The following PLEKHG3 variants were observed in gnomAD, a reference collection of about 807,000 sequenced individuals.
PLEKHG3 encodes the protein pleckstrin homology and RhoGEF domain containing G3.
A neutral mutation model predicts 94.9 loss-of-function variants in PLEKHG3; 62 were observed. That is an observed-to-expected ratio of 0.65 (90% CI 0.53 to 0.81). PLEKHG3 has a LOEUF of 0.81. Ranked by LOEUF, PLEKHG3 falls within the 30% of genes least tolerant of loss-of-function variation. The pLI is 0.00. For synonymous variants in PLEKHG3, 614 were observed against 654.0 expected, an observed-to-expected ratio of 0.94 and a Z score of 0.93; for missense variants, 1,461 against 1,619.3, an observed-to-expected ratio of 0.90 and a Z score of 1.68.
rs1226897147 is a variant in PLEKHG3, at chr14:64,728,722, A to G, written c.352-274A>G. On this transcript the variant is annotated intron_variant, in intron 2 of 16. Transcript: ENST00000247226. The surrounding 1 kb of genome is among the most constrained non-coding windows in gnomAD (Gnocchi z 5.9). ...CTCTCTGTGTCCTCCTTCTCCTCTTATAAGGACAGCAGCCACTGGATTTGG... is the reference window on the plus strand; with the variant it reads ...CTCTCTGTGTCCTCCTTCTCCTCTTGTAAGGACAGCAGCCACTGGATTTGG... Among the ~76,000 whole-genome samples, 1 of 152,038 alleles carries G rather than the reference A, an allele frequency of 6.6e-6. No homozygotes were observed. Among genetic ancestry groups the G allele is most frequent in the Non-Finnish European group, 1.5e-5 (1 of 68,002 alleles).
At position 64,741,552 on chromosome 14, in the gene PLEKHG3, G is replaced by A; in HGVS notation, c.2035G>A (p.Asp679Asn). ...CATCAGTGTGGGGGTGGCCACAGAG[G>A]ACAGCCCTTCTGTCAATGGGATGGA... is the stretch of plus-strand genomic sequence containing the variant. ...VDISVGVATE[D>N]SPSVNGMEPP... The change falls in exon 16 of 17, where the codon GAC (aspartate) becomes AAC (asparagine). Residue 679 changes from aspartate to asparagine, a missense_variant. By Grantham distance (23) the Asp-to-Asn change is conservative. Transcript: ENST00000247226. 1 of 1,612,980 alleles carries A rather than the reference G, an allele frequency of 6.2e-7. No individual in the cohort carries two copies. The highest frequency in any genetic ancestry group is 8.5e-7 in the Non-Finnish European group (1 of 1,180,030).
intron 1 of PLEKHG3, among the ~76,000 whole-genome samples, chr14:64,707,712 C>T (rs549466651): frequency 1.3e-5 from 2 of 152,336 alleles, no homozygotes; most frequent in South Asian, 2.1e-4. Flanking sequence ...TTTTCTTCAT[C>T]GCTGCCTTTT....
intron 1 of PLEKHG3, among the ~76,000 whole-genome samples, chr14:64,709,313 C>T (rs539183995): frequency 1.3e-5 from 2 of 152,220 alleles, no homozygotes; most frequent in South Asian, 4.1e-4. Context: ...GTGTTAGGGT[C>T]GAGTCCAGCC....
Position 64,743,111 on chromosome 14 carries a change from G to T in PLEKHG3, c.3068G>T (p.Ser1023Ile). Reference sequence around the variant, plus strand: ...TTCTTCTTCAACCCGTCTGCTGTCAGCCAGAGGACCACCTCGCCTGGGGGC... The same window carrying T: ...TTCTTCTTCAACCCGTCTGCTGTCATCCAGAGGACCACCTCGCCTGGGGGC... ...QRFFFNPSAVSQRTTSPGGRP... is the reference protein window; with the variant it reads ...QRFFFNPSAVIQRTTSPGGRP... The change falls in exon 17 of 17, where the codon AGC (serine) becomes ATC (isoleucine). Residue 1023 changes from serine to isoleucine, a missense_variant. This residue lies in a region of PLEKHG3 where 1,201 missense variants were observed against 1,295.5 expected (regional missense o/e 0.93). Coordinates refer to ENST00000247226, the MANE Select transcript of PLEKHG3 (RefSeq NM_001308147.2). The surrounding 1 kb of genome is among the most constrained non-coding windows in gnomAD (Gnocchi z 7.2). 6.2e-7 allele frequency: 1 copy of T among 1,612,694 alleles called. No homozygotes were observed.
chr14:64,733,337 G>A (rs536484786), intron 12 of PLEKHG3, among the ~76,000 whole-genome samples: 2 of 151,248 alleles, frequency 1.3e-5, no homozygotes, highest in East Asian at 3.9e-4. Flanking sequence ...ACTAATTTTT[G>A]TATTTTTTAG....
In PLEKHG3 at chr14:64,730,746, C is replaced by T; in HGVS notation, c.567-53C>T. On this transcript the variant is annotated intron_variant, in intron 5 of 16. Coordinates refer to ENST00000247226, the MANE Select transcript of PLEKHG3 (RefSeq NM_001308147.2). The surrounding 1 kb of genome is among the most constrained non-coding windows in gnomAD (Gnocchi z 5.4). ...CATTTGGTGAGTCCAGAGCCCCCCA[C>T]TTCCTCATCCAGGCCTTCCCCAGGT... 6.2e-7 allele frequency: 1 copy of T among 1,612,604 alleles called. No homozygotes were observed. The highest frequency in any genetic ancestry group is 1.7e-5 in the Admixed American group (1 of 59,990).
At chr14:64,713,014 G>A (rs1039613610) in intron 1 of PLEKHG3, among the ~76,000 whole-genome samples, 1 of 152,214 alleles carries the variant, frequency 6.6e-6, no homozygotes, top group African/African-American at 2.4e-5. Context: ...TATCATAGAA[G>A]AGTGTTGGAT....
Position 64,716,959 on chromosome 14 carries a change from C to T in PLEKHG3, c.-39-10634C>T, listed in dbSNP as rs1038467578. The stretch of plus-strand genomic sequence containing the variant: ...GAACTGGTTGGATGAGTTTCTTAGG[C>T]GTCTCTGGTGAGGCCCCTTAGTAGG... On this transcript the variant is annotated intron_variant, in intron 1 of 16. Transcript: ENST00000247226. This position sits in a 1 kb window ranked among gnomAD's most constrained non-coding sequence, Gnocchi z 5.0. 1.3e-5 allele frequency among the ~76,000 whole-genome samples: 2 copies of T among 152,138 alleles called. No homozygotes were observed. The highest frequency in any genetic ancestry group is 2.4e-5 in the African/African-American group (1 of 41,424).
Position 64,723,333 on chromosome 14 carries a change from G to A in PLEKHG3, c.-39-4260G>A, listed in dbSNP as rs1176239631. 2.6e-5 allele frequency among the ~76,000 whole-genome samples: 4 copies of A among 152,104 alleles called. No individual in the cohort carries two copies. The highest frequency in any genetic ancestry group is 4.1e-4 in the South Asian group (2 of 4,834). On this transcript the variant is annotated intron_variant, in intron 1 of 16. Coordinates refer to ENST00000247226, the MANE Select transcript of PLEKHG3 (RefSeq NM_001308147.2). This position sits in a 1 kb window ranked among gnomAD's most constrained non-coding sequence, Gnocchi z 4.5. ...ACACCTGTTAATCCCAGCACTTTAG[G>A]AGGCTGAGGCAGGAGGATCGCTTGA...
chr14:64,738,637 C>A lies in PLEKHG3; in HGVS notation c.1405-105C>A. On this transcript the variant is annotated intron_variant, in intron 14 of 16. Coordinates refer to ENST00000247226, the MANE Select transcript of PLEKHG3 (RefSeq NM_001308147.2). The surrounding 1 kb of genome is among the most constrained non-coding windows in gnomAD (Gnocchi z 4.8). ...GCTCAGGTCCAAGACTGGCTCTCAG[C>A]TCAGCCCAGCCCCTTGGGGCGTGGG... The A allele has an allele frequency of 2.4e-6, 2 of 827,618 alleles. No individual in the cohort carries two copies. Among genetic ancestry groups the A allele is most frequent in the South Asian group, 3.1e-5 (2 of 64,570 alleles). 51.3% of individuals were successfully genotyped at this position (827,618 alleles called of 1,614,324 possible). A position where few individuals can be genotyped will look rare whatever the true frequency, so the allele number is the denominator to read the frequency against.
chr14:64,729,464 C>A lies in PLEKHG3; in HGVS notation c.449+371C>A, dbSNP rs538925887. Among the ~76,000 whole-genome samples, 7 of 152,270 alleles carry A rather than the reference C, an allele frequency of 4.6e-5. No homozygotes were observed. The South Asian group carries it at 1.0e-3, about 23-fold the overall frequency. On this transcript the variant is annotated intron_variant, in intron 3 of 16. Coordinates refer to ENST00000247226, the MANE Select transcript of PLEKHG3 (RefSeq NM_001308147.2). ...ATTTCTTATCCTCCTTTCCACTGAC[C>A]CCAAGGGCTCCCTGGAGATGATCTG... is the stretch of plus-strand genomic sequence containing the variant.
chr14:64,709,793 A>G (rs2081039248), intron 1 of PLEKHG3, among the ~76,000 whole-genome samples: 1 of 151,728 alleles, frequency 6.6e-6, no homozygotes, highest in East Asian at 1.9e-4. Context: ...CAGTATTCTC[A>G]TATAGCTTCT....
At position 64,731,842 on chromosome 14, in the gene PLEKHG3, A is replaced by C. The variant is rs754628448; in HGVS notation, c.1125+36A>C. ...GGTGGGGCTCAGGGGCTAGGGAACA[A>C]GATGCCCAGGGGACACCTGCGTGGG... On this transcript the variant is annotated intron_variant, in intron 9 of 16. Coordinates refer to ENST00000247226, the MANE Select transcript of PLEKHG3 (RefSeq NM_001308147.2). This position sits in a 1 kb window ranked among gnomAD's most constrained non-coding sequence, Gnocchi z 6.1. 2.0e-6 allele frequency: 3 copies of C among 1,469,058 alleles called. No individual in the cohort carries two copies. The South Asian group carries it at 3.4e-5, about 17-fold the overall frequency. The allele number at this position is 1,469,058 out of a possible 1,614,324, so 91.0% of individuals were successfully genotyped here. A position where few individuals can be genotyped will look rare whatever the true frequency, so the allele number is the denominator to read the frequency against.
At chr14:64,737,785 C>T in intron 14 of PLEKHG3, 1 of 748,340 alleles carries the variant, frequency 1.3e-6, no homozygotes, top group Non-Finnish European at 1.8e-6. Flanking sequence ...GTGAAGGCTC[C>T]CCCCCCGCAG....
rs1320970671 is a variant in PLEKHG3 at position 64,737,370 on chromosome 14, A to G, written c.1399A>G (p.Met467Val). The stretch of plus-strand genomic sequence containing the variant: ...GATGTCTGCAGCCCGAGCAGCAGGA[A>G]TGAAGGTAAAGGCCAGTGGGAGGAG... The part of the protein sequence containing the change: ...QLNEKARAAG[M>V]KGKGRRESES... The change falls in exon 14 of 17, where the codon ATG becomes GTG. Residue 467 changes from methionine to valine, a missense_variant. Met to Val is a conservative substitution (Grantham distance 21, BLOSUM62 1). Transcript: ENST00000247226. 3 of 1,599,190 alleles carry G rather than the reference A, an allele frequency of 1.9e-6. No homozygotes were observed. The highest frequency in any genetic ancestry group is 1.7e-6 in the Non-Finnish European group (2 of 1,173,254).
rs536904698 is a variant in PLEKHG3, at chr14:64,740,981, C to T, written c.1519-55C>T. On this transcript the variant is annotated intron_variant, in intron 15 of 16. Transcript: ENST00000247226. Reference sequence around the variant, plus strand: ...CAGGCCATGCTGTCCCCTTGTTCCCCGGATCCCATGAAGGAGGCTTTTTAC... The same window carrying T: ...CAGGCCATGCTGTCCCCTTGTTCCCTGGATCCCATGAAGGAGGCTTTTTAC... 58 of 1,424,526 alleles carry T rather than the reference C, an allele frequency of 4.1e-5. No homozygotes were observed. The African/African-American group carries it at 6.6e-4, about 16-fold the overall frequency. The allele number at this position is 1,424,526 out of a possible 1,614,324, so 88.2% of individuals were successfully genotyped here.
chr14:64,738,978 ACCTCC>A lies in PLEKHG3; in HGVS notation c.1518+125_1518+129del, dbSNP rs1180513405. On this transcript the variant is annotated intron_variant, in intron 15 of 16. Transcript: ENST00000247226. The surrounding 1 kb of genome is among the most constrained non-coding windows in gnomAD (Gnocchi z 4.8). ...GGGCCCATGGGAACAGAGATTCCCC[ACCTCC>A]CAGGACTCTCAGCCCTGCATGAAGC... The A allele has an allele frequency of 1.2e-5, 8 of 668,434 alleles. No homozygotes were observed. In the East Asian group the frequency reaches 1.4e-4, roughly 11 times the overall value. 41.4% of individuals were successfully genotyped at this position (668,434 alleles called of 1,614,324 possible).
chr14:64,708,813 C>T (rs1240667487), intron 1 of PLEKHG3, among the ~76,000 whole-genome samples: 2 of 151,328 alleles, frequency 1.3e-5, no homozygotes, highest in South Asian at 2.1e-4. Context: ...AGTTCCACCC[C>T]CCCGCCCCAC....
Position 64,715,112 on chromosome 14 carries a change from T to C in PLEKHG3, c.-40+10408T>C, listed in dbSNP as rs763348544. On this transcript the variant is annotated intron_variant, in intron 1 of 16. Transcript: ENST00000247226. This position sits in a 1 kb window ranked among gnomAD's most constrained non-coding sequence, Gnocchi z 4.4. ...GTCTACTGCTGGTTACGTACTGTTT[T>C]TGGAGGCATCTACAGGTGAGTTATG... 6.6e-6 allele frequency among the ~76,000 whole-genome samples: 1 copy of C among 152,160 alleles called. No individual in the cohort carries two copies. The highest frequency in any genetic ancestry group is 1.5e-5 in the Non-Finnish European group (1 of 68,030).
Sources: gnomAD v4.1 joint callset for allele counts (sites outside exome capture counted in the v4.1 genomes callset) on GRCh38, gnomAD v4.1.1 for gene constraint, gnomAD v4.1.1 regional missense constraint, Gnocchi (gnomAD v3.1) non-coding constraint, MANE v1.5 for transcripts, NCBI Gene and HGNC (gene_info 2026-07-23, HGNC 2026-07-21) for gene names.